Variants in SLIT3 observed in about 807,000 individuals in gnomAD.
SLIT3 encodes slit guidance ligand 3, also known as slit homolog 3 protein.
SLIT3 carries 68 observed loss-of-function variants against 184.0 expected under a neutral mutation model. The observed-to-expected ratio is 0.37, with a 90% CI of 0.30 to 0.45. The LOEUF (loss-of-function observed/expected upper bound fraction) is 0.45. Among genes scored for constraint, SLIT3 ranks in the 20% least tolerant of loss-of-function variants. The probability of loss-of-function intolerance (pLI) is 1.00; values close to 1 mark genes in which losing one functional copy is unlikely to be tolerated. For synonymous variants in SLIT3, 831 were observed against 828.6 expected, an observed-to-expected ratio of 1.00 and a Z score of -0.05; for missense variants, 1,707 against 2,026.0, an observed-to-expected ratio of 0.84 and a Z score of 3.02.
chr5:169,010,281 G>A (rs1756095529), intron 4 of SLIT3, among the ~76,000 whole-genome samples: 1 of 152,192 alleles, frequency 6.6e-6, no homozygotes, highest in African/African-American at 2.4e-5. Flanking sequence ...ACAGCGATAA[G>A]GGGAAGGGGC....
chr5:169,218,268 A>T (rs948277733), intron 3 of SLIT3, among the ~76,000 whole-genome samples: 8 of 152,216 alleles, frequency 5.3e-5, no homozygotes, highest in African/African-American at 1.9e-4. Context: ...CACCTTCGCC[A>T]TGAATTGGTA....
At chr5:169,133,402 C>G (rs1237671114) in intron 4 of SLIT3, among the ~76,000 whole-genome samples, 1 of 152,246 alleles carries the variant, frequency 6.6e-6, no homozygotes, top group African/African-American at 2.4e-5. Flanking sequence ...TGCTGGTCTA[C>G]AGCCCATAGC....
chr5:168,865,731 A>T (rs572262075), intron 5 of SLIT3, among the ~76,000 whole-genome samples: 7 of 152,358 alleles, frequency 4.6e-5, no homozygotes, highest in African/African-American at 1.7e-4. Context: ...AAATAAAATC[A>T]TCCAAATTCC....
Position 169,044,509 on chromosome 5 carries a change from ATTTT to A in SLIT3, c.413+148966_413+148969del, listed in dbSNP as rs1757557573. ...AAAAGGCCACATACTGCAGGATTCC[ATTTT>A]TATGAAATACCCAGAATAGGCAAAT... On this transcript the variant is annotated intron_variant, in intron 4 of 35. Coordinates refer to ENST00000519560, the MANE Select transcript of SLIT3 (RefSeq NM_003062.4). Among the ~76,000 whole-genome samples, 2 of 146,750 alleles carry A rather than the reference ATTTT, an allele frequency of 1.4e-5. 1 individual carries two copies. Among genetic ancestry groups the A allele is most frequent in the Middle Eastern group, 7.2e-3 (2 of 276 alleles).
At chr5:168,773,389 G>A (rs987104432) in intron 13 of SLIT3, among the ~76,000 whole-genome samples, 1 of 152,156 alleles carries the variant, frequency 6.6e-6, no homozygotes, top group African/African-American at 2.4e-5. Flanking sequence ...GGGTATTGTT[G>A]TAATTATCCT....
At chr5:168,678,790 A>T (rs946096594) in intron 32 of SLIT3, among the ~76,000 whole-genome samples, 13 of 152,204 alleles carry the variant, frequency 8.5e-5, no homozygotes, top group Non-Finnish European at 1.9e-4. Flanking sequence ...AAAAGGAAAA[A>T]ATAGTAACAA....
chr5:168,883,975 A>C (rs987077539), intron 4 of SLIT3, among the ~76,000 whole-genome samples: 2 of 152,114 alleles, frequency 1.3e-5, no homozygotes, highest in African/African-American at 2.4e-5. Flanking sequence ...ATCTAGCATT[A>C]AGCAGTGCCA....
chr5:168,765,136 C>T (rs1188555721), intron 14 of SLIT3, among the ~76,000 whole-genome samples: 1 of 152,190 alleles, frequency 6.6e-6, no homozygotes, highest in Non-Finnish European at 1.5e-5. Context: ...ACAGTTTGCT[C>T]TTCAAGGCGA....
At chr5:168,950,130 G>T (rs533249363) in intron 4 of SLIT3, among the ~76,000 whole-genome samples, 2 of 152,072 alleles carry the variant, frequency 1.3e-5, no homozygotes, top group South Asian at 4.2e-4. Flanking sequence ...AGTTTGGGAG[G>T]TGATTAGGTC....
chr5:168,864,408 G>A (rs1199542456), intron 5 of SLIT3, among the ~76,000 whole-genome samples: 1 of 152,058 alleles, frequency 6.6e-6, no homozygotes, highest in African/African-American at 2.4e-5. Flanking sequence ...GGGTCCTATT[G>A]GAATTTAGGT....
intron 4 of SLIT3, among the ~76,000 whole-genome samples, chr5:169,019,694 A>C (rs1237418533): frequency 1.3e-5 from 2 of 152,224 alleles, no homozygotes. Flanking sequence ...CCTGGGCCCC[A>C]ACTCCAAAAT....
At chr5:168,759,181 T>C (rs973095863) in intron 16 of SLIT3, among the ~76,000 whole-genome samples, 3 of 152,122 alleles carry the variant, frequency 2.0e-5, no homozygotes, top group African/African-American at 7.2e-5. Flanking sequence ...GTACTCACAG[T>C]AGTTATGTTG....
At chr5:168,669,691 G>A in intron 35 of SLIT3, 92 bp downstream of exon 35, 1 of 1,039,712 alleles carries the variant, frequency 9.6e-7, no homozygotes, top group Non-Finnish European at 1.5e-6. Context: ...CAGCCTTTAA[G>A]TGGCACAGCC....
Position 169,204,823 on chromosome 5 carries a change from C to T in SLIT3, c.342-11273G>A, listed in dbSNP as rs189588283. Among the ~76,000 whole-genome samples, 163 of 152,262 alleles carry T rather than the reference C, an allele frequency of 1.1e-3. 1 individual carries two copies. Among genetic ancestry groups the T allele is most frequent in the African/African-American group, 3.6e-3 (151 of 41,570 alleles). On this transcript the variant is annotated intron_variant, in intron 3 of 35. Coordinates refer to ENST00000519560, the MANE Select transcript of SLIT3 (RefSeq NM_003062.4). The stretch of plus-strand genomic sequence containing the variant: ...TGATGACTGAGAAGGAAAGGTGAGA[C>T]ATCGCTGCTTAGGAAAGGCTGGAGG...
chr5:168,711,729 G>A (rs921651031), intron 24 of SLIT3, among the ~76,000 whole-genome samples: 3 of 152,204 alleles, frequency 2.0e-5, no homozygotes, highest in African/African-American at 7.2e-5. Context: ...AGAGAGGTCT[G>A]GCCTGGGAGT....
intron 12 of SLIT3, 104 bp from the exon 13 acceptor site, chr5:168,774,482 C>T: frequency 8.4e-7 from 1 of 1,191,276 alleles, no homozygotes; most frequent in South Asian, 1.5e-5. Flanking sequence ...CATCACTCAT[C>T]CTTGCAGCCT....
intron 4 of SLIT3, among the ~76,000 whole-genome samples, chr5:168,987,944 A>C (rs1193647866): frequency 6.6e-6 from 1 of 152,224 alleles, no homozygotes; most frequent in Non-Finnish European, 1.5e-5. Context: ...CCACTGTGTC[A>C]CAGCTGAAGC....
intron 4 of SLIT3, among the ~76,000 whole-genome samples, chr5:169,008,732 C>T (rs1282649419): frequency 6.6e-6 from 1 of 152,144 alleles, no homozygotes; most frequent in Non-Finnish European, 1.5e-5. Context: ...AACTTCTGGA[C>T]TCCAGTGATC....
intron 4 of SLIT3, among the ~76,000 whole-genome samples, chr5:168,988,557 G>C (rs753149715): frequency 6.6e-6 from 1 of 152,140 alleles, no homozygotes; most frequent in Non-Finnish European, 1.5e-5. Context: ...CTTCCTGGAC[G>C]TTCCCTCAAA....
Sources: allele counts gnomAD v4.1 joint callset (sites outside exome capture counted in the v4.1 genomes callset), GRCh38; gene constraint gnomAD v4.1.1; transcripts MANE v1.5; gene names NCBI Gene and HGNC (gene_info 2026-07-23, HGNC 2026-07-21).